The following CAST variants were observed in gnomAD, a reference collection of about 807,000 sequenced individuals.
The protein encoded by CAST is calpastatin.
CAST carries 76 observed loss-of-function variants against 119.6 expected under a neutral mutation model. The ratio of observed to expected loss-of-function variants is 0.64; its 90% CI spans 0.53 to 0.77. CAST has a LOEUF of 0.77. Among genes scored for constraint, CAST ranks in the 30% least tolerant of loss-of-function variants. CAST has a pLI of 0.00. For synonymous variants in CAST, 319 were observed against 331.6 expected, an observed-to-expected ratio of 0.96 and a Z score of 0.41; for missense variants, 953 against 946.5, an observed-to-expected ratio of 1.01 and a Z score of -0.09.
chr5:96,427,105 T>C, the CAST span, among the ~76,000 whole-genome samples: 1 of 152,180 alleles, frequency 6.6e-6, no homozygotes, highest in Non-Finnish European at 1.5e-5. Flanking sequence ...CACTTGGAGA[T>C]TTTATTAACA....
chr5:96,677,663 A>G (rs867360581), intron 2 of CAST, among the ~76,000 whole-genome samples: 32 of 152,240 alleles, frequency 2.1e-4, no homozygotes, highest in African/African-American at 5.5e-4. Flanking sequence ...CCCTTGTGCC[A>G]GAGCCTGGAC....
the CAST span, among the ~76,000 whole-genome samples, chr5:96,273,216 CT>C: frequency 6.6e-6 from 1 of 152,138 alleles, no homozygotes; most frequent in Non-Finnish European, 1.5e-5. Flanking sequence ...TTTAAGATAA[CT>C]TTTCTATTAT....
At chr5:96,220,274 G>T in the CAST span, among the ~76,000 whole-genome samples, 1 of 152,142 alleles carries the variant, frequency 6.6e-6, no homozygotes, top group African/African-American at 2.4e-5. Context: ...TTCGGGCTGT[G>T]GCAGCCATCT....
the CAST span, among the ~76,000 whole-genome samples, chr5:96,458,697 T>C: frequency 6.6e-6 from 1 of 152,194 alleles, no homozygotes; most frequent in Non-Finnish European, 1.5e-5. Context: ...GGCCTCATTG[T>C]GCAACCCTTT....
chr5:96,400,457 T>C, the CAST span, among the ~76,000 whole-genome samples: 3 of 152,244 alleles, frequency 2.0e-5, no homozygotes, highest in African/African-American at 7.2e-5. Flanking sequence ...CTCAGCAATA[T>C]AGAAGTATAA....
chr5:96,710,305 AATAGACGG>A (rs1755843796), intron 3 of CAST, among the ~76,000 whole-genome samples: 1 of 152,196 alleles, frequency 6.6e-6, no homozygotes, highest in Non-Finnish European at 1.5e-5. Flanking sequence ...AATGTACAGC[AATAGACGG>A]TAGAAAATGG....
At chr5:96,582,963 A>T (rs1244018066) in intron 1 of CAST, among the ~76,000 whole-genome samples, 3 of 152,192 alleles carry the variant, frequency 2.0e-5, no homozygotes, top group Non-Finnish European at 2.9e-5. Context: ...TCTTTTGGAA[A>T]AAGCAAATTA....
the CAST span, chr5:96,400,020 G>A: frequency 6.2e-7 from 1 of 1,614,162 alleles, no homozygotes. Context: ...CAGGTCCTGG[G>A]GTCAGCTAAA....
the CAST span, among the ~76,000 whole-genome samples, chr5:96,019,029 A>G: frequency 1.3e-5 from 2 of 152,220 alleles, no homozygotes; most frequent in African/African-American, 4.8e-5. Context: ...TTCAGAGTTC[A>G]ATCTGGAAGA....
the CAST span, among the ~76,000 whole-genome samples, chr5:96,481,421 A>G: frequency 6.6e-6 from 1 of 152,334 alleles, no homozygotes; most frequent in Admixed American, 6.5e-5. Context: ...TTTAAAATTC[A>G]TTATTGCCTA....
the CAST span, among the ~76,000 whole-genome samples, chr5:96,020,597 C>G: frequency 6.6e-6 from 1 of 152,200 alleles, no homozygotes; most frequent in Non-Finnish European, 1.5e-5. Context: ...CTCCTGCAAT[C>G]TAGGTTGCAT....
chr5:96,324,914 T>A, the CAST span, among the ~76,000 whole-genome samples: 1 of 152,148 alleles, frequency 6.6e-6, no homozygotes. Context: ...TAAGAAATGG[T>A]TGATTGGTTG....
the CAST span, among the ~76,000 whole-genome samples, chr5:96,442,285 T>A: frequency 6.6e-6 from 1 of 152,234 alleles, no homozygotes; most frequent in Non-Finnish European, 1.5e-5. Context: ...AATAATACTA[T>A]TTATGAGATT....
At chr5:96,451,662 G>T in the CAST span, among the ~76,000 whole-genome samples, 1 of 152,166 alleles carries the variant, frequency 6.6e-6, no homozygotes, top group African/African-American at 2.4e-5. Context: ...TTCAACTAAA[G>T]AGCTTCTGCA....
the CAST span, among the ~76,000 whole-genome samples, chr5:96,344,526 A>G: frequency 0.91 from 138,187 of 152,022 alleles, 62,946 homozygotes; most frequent in African/African-American, 0.93. Flanking sequence ...ATTCAGATTC[A>G]AAGGAATGCG....
chr5:96,079,710 G>C, the CAST span, among the ~76,000 whole-genome samples: 16 of 151,904 alleles, frequency 1.1e-4, no homozygotes, highest in Non-Finnish European at 1.6e-4. Context: ...CTTCAATATT[G>C]TTTATATAGC....
At chr5:96,146,312 A>T in the CAST span, among the ~76,000 whole-genome samples, 1 of 152,224 alleles carries the variant, frequency 6.6e-6, no homozygotes, top group Non-Finnish European at 1.5e-5. Context: ...ATTCAGGTGG[A>T]CTCAAGGAAG....
At chr5:96,660,875 T>G (rs1349140131), upstream of CAST, among the ~76,000 whole-genome samples, 1 of 151,938 alleles carries the variant, frequency 6.6e-6, no homozygotes, top group Non-Finnish European at 1.5e-5. Flanking sequence ...GTTGTTTCAT[T>G]TTTATGTATA....
chr5:96,561,952 C>T (rs1302525534), intron 1 of CAST, among the ~76,000 whole-genome samples: 1 of 149,206 alleles, frequency 6.7e-6, no homozygotes, highest in Non-Finnish European at 1.5e-5. Context: ...GCTACCACGC[C>T]CGGCTAATTT....
Sources: allele counts gnomAD v4.1 joint callset (sites outside exome capture counted in the v4.1 genomes callset), GRCh38; gene constraint gnomAD v4.1.1; transcripts MANE v1.5; gene names NCBI Gene and HGNC (gene_info 2026-07-23, HGNC 2026-07-21).